Variants in MTMR12 observed in about 807,000 individuals in gnomAD.
MTMR12 encodes myotubularin-related protein 12.
In MTMR12, 33 loss-of-function variants were observed where a neutral mutation model predicts 96.7. The observed-to-expected ratio is 0.34, with a 90% CI of 0.26 to 0.46. The LOEUF (loss-of-function observed/expected upper bound fraction) is 0.46. MTMR12 is among the 20% of genes least tolerant of loss of function. The pLI is 1.00. For missense variants in MTMR12, 721 were observed against 896.1 expected (o/e 0.80, Z 2.49); for synonymous variants, 298 against 327.2 (o/e 0.91, Z 0.96).
In MTMR12 at chr5:32,229,426, G is replaced by C. The variant is rs1053387431; in HGVS notation, c.*352C>G. On this transcript the variant is annotated 3_prime_UTR_variant, in exon 16 of 16. Transcript: ENST00000382142. ...GGATAAATTATCTTGGCACAAAGAGGATCTGAAGAAAGTATCAAGTCCAAG... is the reference window on the plus strand; with the variant it reads ...GGATAAATTATCTTGGCACAAAGAGCATCTGAAGAAAGTATCAAGTCCAAG... 1 of 182,182 alleles carries C rather than the reference G, an allele frequency of 5.5e-6. No individual in the cohort carries two copies. The highest frequency in any genetic ancestry group is 2.3e-5 in the African/African-American group (1 of 42,720). The allele number at this position is 182,182 out of a possible 1,614,324, so 11.3% of individuals were successfully genotyped here.
At chr5:32,290,301 C>T (rs1750693430) in intron 1 of MTMR12, among the ~76,000 whole-genome samples, 1 of 152,230 alleles carries the variant, frequency 6.6e-6, no homozygotes, top group Non-Finnish European at 1.5e-5. Context: ...AGGTATCACA[C>T]TGGTCCATTA....
At chr5:32,281,248 T>TAAAAA (rs72123716) in intron 1 of MTMR12, among the ~76,000 whole-genome samples, 9 of 107,464 alleles carry the variant, frequency 8.4e-5, no homozygotes, top group African/African-American at 1.4e-4. Context: ...ACTCTATCAT[T>TAAAAA]AAAAAAAAAA....
At chr5:32,236,411 G>C (rs1193046259) in intron 13 of MTMR12, among the ~76,000 whole-genome samples, 1 of 152,156 alleles carries the variant, frequency 6.6e-6, no homozygotes, top group Non-Finnish European at 1.5e-5. Flanking sequence ...GCTAGGCATG[G>C]TAGTGTACAC....
intron 1 of MTMR12, among the ~76,000 whole-genome samples, chr5:32,305,760 G>T (rs1014456083): frequency 2.0e-5 from 3 of 152,146 alleles, no homozygotes; most frequent in Non-Finnish European, 4.4e-5. Context: ...AAAATTAGCA[G>T]AGTGTAGTGG....
intron 11 of MTMR12, among the ~76,000 whole-genome samples, chr5:32,242,855 G>T (rs899233249): frequency 2.0e-5 from 3 of 151,936 alleles, no homozygotes; most frequent in Admixed American, 1.3e-4. Context: ...TGTCTGGAGG[G>T]CCAAGGCTCC....
rs747008296 is a variant in MTMR12, at chr5:32,230,133, T to G, written c.1889A>C (p.His630Pro). The change falls in exon 16 of 16, where the codon CAT (histidine) becomes CCT (proline). Residue 630 changes from histidine (H) to proline (P), a missense_variant. By Grantham distance (77) the His-to-Pro change is moderately conservative. Coordinates refer to ENST00000382142, the MANE Select transcript of MTMR12 (RefSeq NM_001040446.3). ...GACTTTGATTTCGGGCCCCTCGATATGCGGTAACAACAAACCATGGTAGTC... is the reference window on the plus strand; with the variant it reads ...GACTTTGATTTCGGGCCCCTCGATAGGCGGTAACAACAAACCATGGTAGTC... The part of the protein sequence containing the change: ...STDYHGLLLP[H>P]IEGPEIKVWA... 8 of 1,613,418 alleles carry G rather than the reference T, an allele frequency of 5.0e-6. No individual in the cohort carries two copies. Among genetic ancestry groups the G allele is most frequent in the Non-Finnish European group, 6.8e-6 (8 of 1,179,470 alleles).
intron 1 of MTMR12, among the ~76,000 whole-genome samples, chr5:32,293,788 G>C (rs1051664650): frequency 6.6e-6 from 1 of 152,128 alleles, no homozygotes; most frequent in Non-Finnish European, 1.5e-5. Context: ...CAGAGCTGTA[G>C]GCCTGGACAC....
rs571912318 is a variant in MTMR12 at position 32,275,341 on chromosome 5, T to A, written c.143-1219A>T. Among the ~76,000 whole-genome samples the A allele has an allele frequency of 8.5e-5, 13 of 152,204 alleles. No homozygotes were observed. The East Asian group carries it at 2.3e-3, about 27-fold the overall frequency. Reference sequence around the variant, plus strand: ...GTTTAAAATAGTCCCAGAAAAAGTGTCTCTGCCAAGTCCATGGGGGAAGAC... The same window carrying A: ...GTTTAAAATAGTCCCAGAAAAAGTGACTCTGCCAAGTCCATGGGGGAAGAC... On this transcript the variant is annotated intron_variant, in intron 2 of 15. Transcript: ENST00000382142.
rs776485707 is a variant in MTMR12 at position 32,312,747 on chromosome 5, C to T, written c.81+11G>A. The T allele has an allele frequency of 3.3e-6, 5 of 1,503,044 alleles. No homozygotes were observed. Among genetic ancestry groups the T allele is most frequent in the Non-Finnish European group, 4.4e-6 (5 of 1,127,650 alleles). The allele number at this position is 1,503,044 out of a possible 1,614,324, so 93.1% of individuals were successfully genotyped here. ...CCTGCCCGACGCCCCGCCTGCGCGG[C>T]GCCCCCTCACCTCAGGGCGTACGTA... On this transcript the variant is annotated intron_variant, in intron 1 of 15. Transcript: ENST00000382142. This position sits in a 1 kb window ranked among gnomAD's most constrained non-coding sequence, Gnocchi z 5.0.
At chr5:32,251,998 T>TA (rs886138389) in intron 8 of MTMR12, among the ~76,000 whole-genome samples, 1 of 152,164 alleles carries the variant, frequency 6.6e-6, no homozygotes, top group African/African-American at 2.4e-5. Context: ...CAAAAAGAGT[T>TA]AAATAGCATA....
rs189989810 is a variant in MTMR12, at chr5:32,252,018, G to A, written c.790-3140C>T. Among the ~76,000 whole-genome samples, 22 of 152,298 alleles carry A rather than the reference G, an allele frequency of 1.4e-4. 1 individual carries two copies. Among genetic ancestry groups the A allele is most frequent in the South Asian group, 2.1e-4 (1 of 4,822 alleles). ...AGAGTTAAATAGCATACTGCTGGGC[G>A]GGACAAAGCATCACCAGTGGTTTTC... On this transcript the variant is annotated intron_variant, in intron 8 of 15. Transcript: ENST00000382142.
chr5:32,246,206 A>C (rs1748683400), intron 10 of MTMR12, among the ~76,000 whole-genome samples: 2 of 140,312 alleles, frequency 1.4e-5, no homozygotes, highest in South Asian at 2.2e-4. Flanking sequence ...TTGCTCTGTC[A>C]CCCAAGCTGG....
intron 1 of MTMR12, among the ~76,000 whole-genome samples, chr5:32,281,926 G>A (rs375829896): frequency 2.0e-3 from 296 of 150,310 alleles, no homozygotes; most frequent in Non-Finnish European, 3.3e-3. Context: ...GACCACATCC[G>A]AGAGGAAGGA....
chr5:32,250,947 A>G (rs1316772360), intron 8 of MTMR12, among the ~76,000 whole-genome samples: 1 of 152,206 alleles, frequency 6.6e-6, no homozygotes, highest in Non-Finnish European at 1.5e-5. Context: ...TGAGGGCCAG[A>G]ATTCTTAGTA....
At chr5:32,245,545 T>C (rs1019687485) in intron 10 of MTMR12, among the ~76,000 whole-genome samples, 7 of 151,440 alleles carry the variant, frequency 4.6e-5, no homozygotes, top group Non-Finnish European at 5.9e-5. Context: ...AACACTCTTA[T>C]GGCTGGGCAT....
At chr5:32,296,476 C>T in intron 1 of MTMR12, 1 of 371,690 alleles carries the variant, frequency 2.7e-6, no homozygotes, top group Non-Finnish European at 5.6e-6. Context: ...AAGACCTTGT[C>T]TCCAAAAAAA....
At chr5:32,263,074 G>C in intron 7 of MTMR12, 39 bp downstream of exon 7, 3 of 1,608,452 alleles carry the variant, frequency 1.9e-6, no homozygotes, top group South Asian at 1.1e-5. Context: ...ACTTTTAATG[G>C]GTGAATTGTA....
intron 10 of MTMR12, among the ~76,000 whole-genome samples, chr5:32,246,801 C>G (rs1748708835): frequency 6.6e-6 from 1 of 152,174 alleles, no homozygotes; most frequent in Admixed American, 6.5e-5. Context: ...TCAATTTCAG[C>G]AGAATTCATG....
At chr5:32,297,918 G>A (rs1439589070) in intron 1 of MTMR12, among the ~76,000 whole-genome samples, 1 of 152,194 alleles carries the variant, frequency 6.6e-6, no homozygotes, top group African/African-American at 2.4e-5. Flanking sequence ...ATGGGATAAG[G>A]ACCTGCCTCA....
Sources: allele counts gnomAD v4.1 joint callset (sites outside exome capture counted in the v4.1 genomes callset), GRCh38; gene constraint gnomAD v4.1.1; non-coding constraint Gnocchi (gnomAD v3.1); transcripts MANE v1.5; gene names NCBI Gene and HGNC (gene_info 2026-07-23, HGNC 2026-07-21).